KCNMA1: variants seen among roughly 807,000 people sequenced by gnomAD.
KCNMA1 encodes potassium calcium-activated channel subfamily M alpha 1, also known as Calcium-activated potassium channel subunit alpha-1.
In KCNMA1, 29 loss-of-function variants were observed where a neutral mutation model predicts 140.0. The ratio of observed to expected loss-of-function variants is 0.21; its 90% CI spans 0.15 to 0.28. The LOEUF (loss-of-function observed/expected upper bound fraction) is 0.28, where lower values mean the gene tolerates loss of function less well. Ranked by LOEUF, KCNMA1 falls within the 10% of genes least tolerant of loss-of-function variation. The pLI is 1.00. For synonymous variants in KCNMA1, 612 were observed against 611.9 expected (o/e 1.00, Z 0.00); for missense variants, 880 against 1,602.2 (o/e 0.55, Z 7.70).
At chr10:77,616,519 T>G (rs1022026604) in intron 1 of KCNMA1, among the ~76,000 whole-genome samples, 5 of 152,192 alleles carry the variant, frequency 3.3e-5, no homozygotes, top group African/African-American at 1.2e-4. Context: ...GAAAGTCAAT[T>G]TGAAGACCGG....
chr10:77,042,820 T>C (rs1252968109), intron 14 of KCNMA1, among the ~76,000 whole-genome samples: 2 of 152,206 alleles, frequency 1.3e-5, no homozygotes, highest in Admixed American at 6.5e-5. Context: ...TTCATGTTTG[T>C]TTTGAATTTA....
intron 14 of KCNMA1, among the ~76,000 whole-genome samples, chr10:77,056,363 G>GA (rs1192826504): frequency 1.3e-5 from 2 of 152,040 alleles, no homozygotes; most frequent in Non-Finnish European, 2.9e-5. Flanking sequence ...TTGGGTGACA[G>GA]AGTGAGACTC....
At chr10:77,493,061 C>G (rs1453058584) in intron 1 of KCNMA1, among the ~76,000 whole-genome samples, 2 of 152,208 alleles carry the variant, frequency 1.3e-5, no homozygotes, top group African/African-American at 2.4e-5. Flanking sequence ...TGCTGGTTGT[C>G]TTGACTCTCT....
At chr10:76,882,486 T>C (rs2035058129), downstream of KCNMA1, among the ~76,000 whole-genome samples, 1 of 152,160 alleles carries the variant, frequency 6.6e-6, no homozygotes, top group South Asian at 2.1e-4. Flanking sequence ...TGATGCCTCC[T>C]CCGTCCCCAC....
chr10:77,345,309 T>C (rs1178150735), intron 2 of KCNMA1, among the ~76,000 whole-genome samples: 4 of 152,198 alleles, frequency 2.6e-5, no homozygotes, highest in African/African-American at 7.2e-5. Context: ...CATATCTCCA[T>C]AGAATCGGTC....
chr10:77,517,880 T>A (rs2051165301), intron 1 of KCNMA1, among the ~76,000 whole-genome samples: 1 of 152,034 alleles, frequency 6.6e-6, no homozygotes. Flanking sequence ...GCCAAACTGA[T>A]AAGAGAAATA....
chr10:76,894,118 T>C (rs577757514), intron 25 of KCNMA1, among the ~76,000 whole-genome samples: 3 of 152,342 alleles, frequency 2.0e-5, no homozygotes, highest in South Asian at 4.1e-4. Flanking sequence ...AGTAATGGCA[T>C]AGGATAGACC....
rs2067187945 is a variant in KCNMA1 at position 76,953,877 on chromosome 10, T to C, written c.2408A>G (p.Asp803Gly). The change falls in exon 21 of 28, where the codon GAC becomes GGC. Residue 803 changes from aspartate to glycine, a missense_variant. Coordinates refer to ENST00000286628, the MANE Select transcript of KCNMA1 (RefSeq NM_001161352.2). ...AGAGTCGTACTTCTTCACATTGGAGTCCATGTTGTCAATCTGATCATTGCC... is the reference window on the plus strand; with the variant it reads ...AGAGTCGTACTTCTTCACATTGGAGCCCATGTTGTCAATCTGATCATTGCC... ...IPGNDQIDNM[D>G]SNVKKYDSTG... The C allele has an allele frequency of 6.2e-7, 1 of 1,613,736 alleles. No individual in the cohort carries two copies. Among genetic ancestry groups the C allele is most frequent in the Non-Finnish European group, 8.5e-7 (1 of 1,179,772 alleles).
chr10:77,532,856 A>G (rs2154553235), intron 1 of KCNMA1, among the ~76,000 whole-genome samples: 1 of 152,324 alleles, frequency 6.6e-6, no homozygotes, highest in South Asian at 2.1e-4. Context: ...TATTGGCTCT[A>G]TGAGAGACTA....
At chr10:76,956,522 A>G (rs935454529) in intron 20 of KCNMA1, among the ~76,000 whole-genome samples, 2 of 152,194 alleles carry the variant, frequency 1.3e-5, no homozygotes, top group Non-Finnish European at 1.5e-5. Context: ...TCTGACCAGC[A>G]TGGTACCTGG....
chr10:77,013,823 G>A (rs188896016), intron 17 of KCNMA1, among the ~76,000 whole-genome samples: 13 of 152,146 alleles, frequency 8.5e-5, no homozygotes, highest in Non-Finnish European at 1.8e-4. Context: ...ACAGCTAAAA[G>A]TACCAAAGCT....
chr10:76,951,781 A>G (rs534944108), intron 21 of KCNMA1, among the ~76,000 whole-genome samples: 1 of 152,162 alleles, frequency 6.6e-6, no homozygotes, highest in Non-Finnish European at 1.5e-5. Context: ...GCATCCTATA[A>G]ATATCTGAAA....
At chr10:77,425,821 C>A (rs2096975095) in intron 1 of KCNMA1, among the ~76,000 whole-genome samples, 1 of 152,196 alleles carries the variant, frequency 6.6e-6, no homozygotes, top group African/African-American at 2.4e-5. Flanking sequence ...TAGGAGTCTG[C>A]TGGCCTCCAG....
At chr10:77,426,149 C>T (rs2096984281) in intron 1 of KCNMA1, among the ~76,000 whole-genome samples, 1 of 152,182 alleles carries the variant, frequency 6.6e-6, no homozygotes, top group Non-Finnish European at 1.5e-5. Context: ...AAGGACTCTG[C>T]AGTGTCTGGA....
chr10:77,240,087 C>A, intron 3 of KCNMA1, among the ~76,000 whole-genome samples: 1 of 152,220 alleles, frequency 6.6e-6, no homozygotes, highest in East Asian at 1.9e-4. Flanking sequence ...CAGATTTGGG[C>A]CTCTCTTCTT....
At chr10:76,945,912 T>C (rs1429839267) in intron 22 of KCNMA1, among the ~76,000 whole-genome samples, 3 of 152,170 alleles carry the variant, frequency 2.0e-5, no homozygotes, top group Non-Finnish European at 2.9e-5. Context: ...TAATTCCCTC[T>C]GGGAAGGGAA....
At chr10:76,874,742 C>T (rs532746347), downstream of KCNMA1, 11 of 152,284 alleles carry the variant, frequency 7.2e-5, no homozygotes, top group South Asian at 2.1e-4. Context: ...TGTTCTCCAA[C>T]GTGCCTTAGT....
chr10:77,353,985 T>A (rs28459226), intron 2 of KCNMA1, among the ~76,000 whole-genome samples: 21 of 11,996 alleles, frequency 1.8e-3, no homozygotes, highest in Non-Finnish European at 4.4e-3. Context: ...GGGGGGGTGG[T>A]GGGGGTGGAG....
chr10:76,947,354 CA>C (rs1565110991), intron 22 of KCNMA1, among the ~76,000 whole-genome samples: 2 of 151,962 alleles, frequency 1.3e-5, no homozygotes, highest in Non-Finnish European at 2.9e-5. Context: ...AACAAACAAA[CA>C]AAAACAAACA....
Sources: allele counts gnomAD v4.1 joint callset (sites outside exome capture counted in the v4.1 genomes callset), GRCh38; gene constraint gnomAD v4.1.1; transcripts MANE v1.5; gene names NCBI Gene and HGNC (gene_info 2026-07-23, HGNC 2026-07-21).